Variants in AUTS2 observed in about 807,000 individuals in gnomAD.
The protein encoded by AUTS2 is autism susceptibility gene 2 protein.
A neutral mutation model predicts 112.4 loss-of-function variants in AUTS2; 17 were observed. The ratio of observed to expected loss-of-function variants is 0.15; its 90% CI spans 0.10 to 0.23. The LOEUF (loss-of-function observed/expected upper bound fraction) is 0.23, where lower values mean the gene tolerates loss of function less well. AUTS2 is among the 10% of genes least tolerant of loss of function. AUTS2 has a pLI of 1.00. For synonymous variants in AUTS2, 751 were observed against 702.7 expected (o/e 1.07, Z -1.09); for missense variants, 1,510 against 1,701.6 (o/e 0.89, Z 1.98).
chr7:70,738,394 G>A (rs1325039302), intron 6 of AUTS2, among the ~76,000 whole-genome samples: 1 of 148,560 alleles, frequency 6.7e-6, no homozygotes, highest in Non-Finnish European at 1.5e-5. Flanking sequence ...TTCTCTTGGA[G>A]CAAAAAGTTG....
At chr7:70,416,748 C>G (rs929366150) in intron 4 of AUTS2, among the ~76,000 whole-genome samples, 3 of 152,218 alleles carry the variant, frequency 2.0e-5, no homozygotes, top group Admixed American at 6.5e-5. Context: ...CGGTCCACTC[C>G]CAAGGGACAC....
chr7:70,727,127 A>G (rs1249553213), intron 6 of AUTS2, among the ~76,000 whole-genome samples: 3 of 152,186 alleles, frequency 2.0e-5, no homozygotes, highest in Non-Finnish European at 4.4e-5. Flanking sequence ...GTCTAAGGGG[A>G]GGAAGGTTAT....
chr7:70,020,005 AAGAT>A (rs1479679603), intron 2 of AUTS2, among the ~76,000 whole-genome samples: 4 of 152,170 alleles, frequency 2.6e-5, no homozygotes, highest in Non-Finnish European at 5.9e-5. Flanking sequence ...GGGTATGTCC[AAGAT>A]AGATAGGGGA....
intron 2 of AUTS2, among the ~76,000 whole-genome samples, chr7:70,076,705 T>G (rs773790266): frequency 2.0e-5 from 3 of 152,152 alleles, no homozygotes; most frequent in Non-Finnish European, 4.4e-5. Context: ...GTGATAGGAG[T>G]AAGATCCCAA....
chr7:70,702,321 T>C (rs1809500523), intron 6 of AUTS2, among the ~76,000 whole-genome samples: 2 of 152,082 alleles, frequency 1.3e-5, no homozygotes, highest in African/African-American at 4.8e-5. Context: ...AAGAGAAAAA[T>C]CCCTGAATTG....
chr7:69,607,898 C>G (rs543137653), intron 1 of AUTS2, among the ~76,000 whole-genome samples: 1 of 152,252 alleles, frequency 6.6e-6, no homozygotes, highest in South Asian at 2.1e-4. Context: ...TAGATTGTGA[C>G]TCTTGGTTAC....
chr7:70,343,118 A>G lies in AUTS2; in HGVS notation c.661-92634A>G, dbSNP rs114655817. 2.2e-3 allele frequency among the ~76,000 whole-genome samples: 334 copies of G among 152,342 alleles called. 3 individuals carry two copies. The highest frequency in any genetic ancestry group is 7.7e-3 in the African/African-American group (320 of 41,594). ...CAAACTCCCTCTCTATGAAATTTTA[A>G]TTATAGTTGATTAAATATTCACTTT... On this transcript the variant is annotated intron_variant, in intron 4 of 18. Coordinates refer to ENST00000342771, the MANE Select transcript of AUTS2 (RefSeq NM_015570.4).
chr7:70,243,878 C>T (rs1319035682), intron 4 of AUTS2, among the ~76,000 whole-genome samples: 7 of 151,992 alleles, frequency 4.6e-5, no homozygotes, highest in East Asian at 1.9e-4. Context: ...CCTGCCCTCT[C>T]ATTTTTACCT....
chr7:70,526,368 A>G (rs1252130831), intron 5 of AUTS2, among the ~76,000 whole-genome samples: 2 of 152,082 alleles, frequency 1.3e-5, no homozygotes, highest in Non-Finnish European at 2.9e-5. Context: ...GTTCTATACC[A>G]TCTTCAAGAT....
intron 2 of AUTS2, among the ~76,000 whole-genome samples, chr7:69,932,490 G>T (rs1372399585): frequency 6.6e-6 from 1 of 152,242 alleles, no homozygotes; most frequent in Non-Finnish European, 1.5e-5. Context: ...TTGGTAAATA[G>T]AAAGTTAATG....
intron 17 of AUTS2, among the ~76,000 whole-genome samples, chr7:70,786,467 C>T (rs1318593831): frequency 3.5e-5 from 5 of 143,392 alleles, no homozygotes; most frequent in African/African-American, 1.5e-4. Flanking sequence ...CACCAGGCTG[C>T]GACACCACCA....
chr7:70,321,899 GA>G lies in AUTS2; in HGVS notation c.661-113849del, dbSNP rs573655669. On this transcript the variant is annotated intron_variant, in intron 4 of 18. Coordinates refer to ENST00000342771, the MANE Select transcript of AUTS2 (RefSeq NM_015570.4). ...GTTATCTGTTTCATATACTCTTTAT[GA>G]AAATAATATTTTCCCAAGAAGCCTG... is the stretch of plus-strand genomic sequence containing the variant. Among the ~76,000 whole-genome samples the G allele has an allele frequency of 5.9e-5, 9 of 152,174 alleles. No individual in the cohort carries two copies. The South Asian group carries it at 1.5e-3, about 25-fold the overall frequency.
rs1417413824 is a variant in AUTS2, at chr7:70,760,224, C to T, written c.743-2646C>T. ...GTTTCACCGTGTTAGCCAGGATGGT[C>T]TCGATCTCCTGACCTCGTGATCCGC... On this transcript the variant is annotated intron_variant, in intron 6 of 18. Transcript: ENST00000342771. Among the ~76,000 whole-genome samples the T allele has an allele frequency of 2.6e-5, 4 of 152,310 alleles. No individual in the cohort carries two copies. The East Asian group carries it at 7.7e-4, about 29-fold the overall frequency.
chr7:70,573,944 G>A (rs1039465289), intron 5 of AUTS2, among the ~76,000 whole-genome samples: 2 of 152,096 alleles, frequency 1.3e-5, no homozygotes, highest in Non-Finnish European at 1.5e-5. Flanking sequence ...GAAATTTGGG[G>A]GATATGCATT....
chr7:70,509,379 G>A (rs1374043607), intron 5 of AUTS2, among the ~76,000 whole-genome samples: 1 of 152,142 alleles, frequency 6.6e-6, no homozygotes, highest in African/African-American at 2.4e-5. Flanking sequence ...TGACTTGGGA[G>A]GAAGGTTGGG....
chr7:70,194,333 C>A (rs1019648753), intron 4 of AUTS2, among the ~76,000 whole-genome samples: 4 of 152,106 alleles, frequency 2.6e-5, no homozygotes, highest in Non-Finnish European at 5.9e-5. Context: ...TCACTTGAAC[C>A]TGGGAGGCAG....
At chr7:69,832,547 ATAACAGGG>A (rs1365986176) in intron 1 of AUTS2, among the ~76,000 whole-genome samples, 1 of 152,234 alleles carries the variant, frequency 6.6e-6, no homozygotes, top group Non-Finnish European at 1.5e-5. Context: ...CTGGTGTTGA[ATAACAGGG>A]AGACTAGTAC....
At chr7:70,763,412 A>G in intron 7 of AUTS2, 71 bp downstream of exon 7, 1 of 1,061,060 alleles carries the variant, frequency 9.4e-7, no homozygotes, top group South Asian at 1.6e-5. Flanking sequence ...GGAGTCGGGG[A>G]GGGATCCCTA....
At chr7:70,548,931 C>G in intron 5 of AUTS2, among the ~76,000 whole-genome samples, 1 of 143,958 alleles carries the variant, frequency 6.9e-6, no homozygotes. Context: ...TCTACCCCCC[C>G]CCCAAAAAAA....
Sources: gnomAD v4.1 joint callset for allele counts (sites outside exome capture counted in the v4.1 genomes callset) on GRCh38, gnomAD v4.1.1 for gene constraint, MANE v1.5 for transcripts, NCBI Gene and HGNC (gene_info 2026-07-23, HGNC 2026-07-21) for gene names.